XRCC4: variants seen among roughly 807,000 people sequenced by gnomAD.
XRCC4 encodes the protein X-ray repair cross complementing 4.
Under a neutral mutation model 39.1 loss-of-function variants are expected in XRCC4, and 28 were observed. The observed-to-expected ratio is 0.72, with a 90% CI of 0.53 to 0.98. The LOEUF (loss-of-function observed/expected upper bound fraction) is 0.98. Among genes scored for constraint, XRCC4 ranks in the 50% least tolerant of loss-of-function variants. XRCC4 has a pLI of 0.00. For synonymous variants in XRCC4, 123 were observed against 126.4 expected (o/e 0.97, Z 0.18); for missense variants, 350 against 376.4 (o/e 0.93, Z 0.58).
chr5:83,180,125 T>G (rs369282163), intron 3 of XRCC4, among the ~76,000 whole-genome samples: 1 of 152,170 alleles, frequency 6.6e-6, no homozygotes, highest in East Asian at 1.9e-4. Context: ...TGCCCAGTTA[T>G]AGAAATGAGA....
intron 7 of XRCC4, among the ~76,000 whole-genome samples, chr5:83,288,339 C>T (rs1418395856): frequency 6.6e-6 from 1 of 151,922 alleles, no homozygotes; most frequent in South Asian, 2.1e-4. Context: ...CCTACGTGAC[C>T]ATATCAGTTA....
chr5:83,114,242 C>CTTGGTG (rs1746598951), intron 3 of XRCC4, among the ~76,000 whole-genome samples: 1 of 152,178 alleles, frequency 6.6e-6, no homozygotes. Context: ...GCCTCGGAGA[C>CTTGGTG]ATTTCCCCCA....
intron 3 of XRCC4, among the ~76,000 whole-genome samples, chr5:83,135,777 C>T (rs1234843112): frequency 1.3e-5 from 2 of 151,912 alleles, no homozygotes; most frequent in Admixed American, 6.6e-5. Flanking sequence ...AAATATATTT[C>T]AAGTTTTGTT....
the XRCC4 span, among the ~76,000 whole-genome samples, chr5:83,359,639 G>A: frequency 2.0e-5 from 3 of 151,964 alleles, no homozygotes; most frequent in African/African-American, 7.3e-5. Context: ...TTTATTAGTC[G>A]AATGGTTCTT....
At chr5:83,282,721 A>G (rs1355488952) in intron 7 of XRCC4, among the ~76,000 whole-genome samples, 2 of 152,108 alleles carry the variant, frequency 1.3e-5, no homozygotes, top group African/African-American at 2.4e-5. Flanking sequence ...AGGCGCCTGT[A>G]GTCCCAACTA....
At chr5:83,231,287 T>C (rs1356353653) in intron 6 of XRCC4, among the ~76,000 whole-genome samples, 1 of 152,064 alleles carries the variant, frequency 6.6e-6, no homozygotes, top group Non-Finnish European at 1.5e-5. Context: ...AGTAGGAATT[T>C]AAAGATCCCA....
chr5:83,318,248 A>C, intron 7 of XRCC4, among the ~76,000 whole-genome samples: 1 of 129,756 alleles, frequency 7.7e-6, no homozygotes, highest in East Asian at 3.1e-4. Flanking sequence ...AGCCAATATC[A>C]TACTGGATGG....
chr5:83,188,484 T>A (rs2112674847), intron 3 of XRCC4, among the ~76,000 whole-genome samples: 1 of 152,328 alleles, frequency 6.6e-6, no homozygotes, highest in South Asian at 2.1e-4. Flanking sequence ...TCCATTCTTA[T>A]GTCACTATAA....
chr5:83,287,231 A>G (rs1271193596), intron 7 of XRCC4, among the ~76,000 whole-genome samples: 5 of 152,124 alleles, frequency 3.3e-5, no homozygotes. Flanking sequence ...TAGGCTTGGC[A>G]TTCTGCCCAT....
intron 3 of XRCC4, among the ~76,000 whole-genome samples, chr5:83,177,751 C>T (rs1750024688): frequency 6.6e-6 from 1 of 152,120 alleles, no homozygotes; most frequent in Admixed American, 6.6e-5. Flanking sequence ...AAAAGTGGAT[C>T]ATGGGCTTTG....
intron 3 of XRCC4, among the ~76,000 whole-genome samples, chr5:83,126,154 G>A (rs190236638): frequency 1.0e-3 from 157 of 151,528 alleles, no homozygotes; most frequent in Non-Finnish European, 1.9e-3. Context: ...TATCAACATG[G>A]TATGTCTATA....
intron 3 of XRCC4, among the ~76,000 whole-genome samples, chr5:83,174,852 GT>G (rs1173352137): frequency 2.0e-5 from 3 of 152,022 alleles, no homozygotes; most frequent in Non-Finnish European, 2.9e-5. Flanking sequence ...GCTTTTAAAA[GT>G]TAAAAATTCA....
At chr5:83,248,830 TA>T (rs776587731) in intron 6 of XRCC4, among the ~76,000 whole-genome samples, 8 of 152,124 alleles carry the variant, frequency 5.3e-5, no homozygotes, top group Non-Finnish European at 1.0e-4. Context: ...ATTTAAAAAA[TA>T]AAAACCTTAC....
chr5:83,173,881 A>C (rs1401364968), intron 3 of XRCC4, among the ~76,000 whole-genome samples: 1 of 152,186 alleles, frequency 6.6e-6, no homozygotes, highest in East Asian at 1.9e-4. Flanking sequence ...AGTTTAGAAC[A>C]AGTCTCTTAA....
At chr5:83,128,179 T>C (rs1385426712) in intron 3 of XRCC4, among the ~76,000 whole-genome samples, 1 of 152,068 alleles carries the variant, frequency 6.6e-6, no homozygotes, top group East Asian at 1.9e-4. Context: ...TCTGTCCAAG[T>C]GTTCTCATTG....
intron 3 of XRCC4, among the ~76,000 whole-genome samples, chr5:83,173,522 T>G (rs2112626549): frequency 6.6e-6 from 1 of 152,284 alleles, no homozygotes; most frequent in South Asian, 2.1e-4. Context: ...GAAGTCTTTC[T>G]AGATTGTATA....
intron 3 of XRCC4, among the ~76,000 whole-genome samples, chr5:83,188,218 T>C (rs980900379): frequency 6.6e-6 from 1 of 152,098 alleles, no homozygotes; most frequent in African/African-American, 2.4e-5. Flanking sequence ...CCAGGGGCTG[T>C]GGTCTCATCT....
chr5:83,202,396 A>G (rs549535222), intron 4 of XRCC4, among the ~76,000 whole-genome samples: 73 of 152,314 alleles, frequency 4.8e-4, no homozygotes, highest in African/African-American at 1.5e-3. Context: ...ACTGTGCTGT[A>G]AGAATTTGCT....
chr5:83,095,806 G>A (rs2928175), intron 1 of XRCC4, among the ~76,000 whole-genome samples: 138,352 of 152,128 alleles, frequency 0.91, 63,036 homozygotes, highest in African/African-American at 0.96. Context: ...CCCCTTCACA[G>A]TCTGCTGTGG....
Sources: gnomAD v4.1 joint callset for allele counts (sites outside exome capture counted in the v4.1 genomes callset) on GRCh38, gnomAD v4.1.1 for gene constraint, MANE v1.5 for transcripts, NCBI Gene and HGNC (gene_info 2026-07-23, HGNC 2026-07-21) for gene names.